The following OPCML variants were observed in gnomAD, a reference collection of about 807,000 sequenced individuals.
OPCML encodes opioid binding protein/cell adhesion molecule like, also known as opioid-binding protein/cell adhesion molecule.
OPCML carries 13 observed loss-of-function variants against 37.8 expected under a neutral mutation model. The observed-to-expected ratio is 0.34, with a 90% CI of 0.22 to 0.55. The LOEUF (loss-of-function observed/expected upper bound fraction) is 0.55, where lower values mean the gene tolerates loss of function less well. Ranked by LOEUF, OPCML falls within the 20% of genes least tolerant of loss-of-function variation. The probability of loss-of-function intolerance (pLI) is 0.91; values close to 1 mark genes in which losing one functional copy is unlikely to be tolerated. For missense variants in OPCML, 341 were observed against 435.6 expected (o/e 0.78, Z 1.93); for synonymous variants, 176 against 168.8 (o/e 1.04, Z -0.33).
At chr11:132,784,851 G>T (rs937985695) in intron 2 of OPCML, among the ~76,000 whole-genome samples, 1 of 152,078 alleles carries the variant, frequency 6.6e-6, no homozygotes, top group Admixed American at 6.5e-5. Context: ...AGCTCCCTGA[G>T]GTTCTCACCA....
intron 1 of OPCML, among the ~76,000 whole-genome samples, chr11:133,451,802 A>G (rs1946585427): frequency 1.3e-5 from 2 of 151,348 alleles, no homozygotes; most frequent in South Asian, 2.1e-4. Flanking sequence ...AGACCACACC[A>G]TTGCAGCCCA....
chr11:132,780,597 T>G lies in OPCML; in HGVS notation c.147-123278A>C, dbSNP rs190442302. 3.0e-4 allele frequency among the ~76,000 whole-genome samples: 45 copies of G among 152,268 alleles called. No individual in the cohort carries two copies. In the East Asian group the frequency reaches 7.3e-3, roughly 25 times the overall value. Reference sequence around the variant, plus strand: ...CCTGCAAATCCATGAGTCCGCAGGTTTGAATTGACTCAGAATAGGCTGGGA... The same window carrying G: ...CCTGCAAATCCATGAGTCCGCAGGTGTGAATTGACTCAGAATAGGCTGGGA... On this transcript the variant is annotated intron_variant, in intron 2 of 7. Transcript: ENST00000524381.
intron 2 of OPCML, among the ~76,000 whole-genome samples, chr11:132,844,608 T>C (rs372431502): frequency 1.3e-5 from 2 of 152,182 alleles, no homozygotes; most frequent in Non-Finnish European, 2.9e-5. Flanking sequence ...ATTTAGAGTA[T>C]AGACCAGGGC....
chr11:133,427,623 T>C (rs1039696246), intron 1 of OPCML, among the ~76,000 whole-genome samples: 2 of 152,050 alleles, frequency 1.3e-5, no homozygotes, highest in African/African-American at 4.8e-5. Flanking sequence ...TTAGAAAATA[T>C]TCTTTAAATC....
chr11:132,647,717 C>T (rs914149783), intron 3 of OPCML, among the ~76,000 whole-genome samples: 10 of 152,016 alleles, frequency 6.6e-5, no homozygotes, highest in African/African-American at 2.4e-4. Context: ...GTCTTGCGGT[C>T]TCAGGAGTGG....
intron 1 of OPCML, among the ~76,000 whole-genome samples, chr11:133,491,995 A>T (rs1182128800): frequency 6.6e-6 from 1 of 152,168 alleles, no homozygotes; most frequent in East Asian, 1.9e-4. Flanking sequence ...GCAGGAGAGG[A>T]GATGAGGAAA....
At chr11:133,011,596 C>T (rs1947214925) in intron 1 of OPCML, among the ~76,000 whole-genome samples, 1 of 127,774 alleles carries the variant, frequency 7.8e-6, no homozygotes, top group Non-Finnish European at 1.9e-5. Context: ...ACAGTGGTTT[C>T]TCTTTTTTTT....
intron 4 of OPCML, among the ~76,000 whole-genome samples, chr11:132,472,317 A>C (rs1305429566): frequency 1.3e-5 from 2 of 152,184 alleles, no homozygotes; most frequent in African/African-American, 4.8e-5. Flanking sequence ...AGCACTCCAC[A>C]AAAATCTGCT....
chr11:132,912,530 C>T (rs1404415875), intron 2 of OPCML, among the ~76,000 whole-genome samples: 1 of 152,104 alleles, frequency 6.6e-6, no homozygotes, highest in Non-Finnish European at 1.5e-5. Flanking sequence ...GTTAAATAAA[C>T]ATTTGGAAAC....
chr11:133,369,525 TG>T (rs1944626280), intron 1 of OPCML, among the ~76,000 whole-genome samples: 1 of 152,204 alleles, frequency 6.6e-6, no homozygotes, highest in Non-Finnish European at 1.5e-5. Context: ...CAGAGCCAGT[TG>T]GCATATCTCT....
intron 1 of OPCML, among the ~76,000 whole-genome samples, chr11:133,231,884 C>G (rs1182687059): frequency 6.6e-6 from 1 of 151,908 alleles, no homozygotes; most frequent in Non-Finnish European, 1.5e-5. Context: ...GAGAAGCAGG[C>G]AGGGAGTGGG....
chr11:133,420,552 C>T (rs147941082), intron 1 of OPCML: 1 of 983,334 alleles, frequency 1.0e-6, no homozygotes, highest in Admixed American at 6.2e-5. Context: ...CTGCAAACAT[C>T]ATTAACATGC....
intron 1 of OPCML, among the ~76,000 whole-genome samples, chr11:133,115,087 A>G (rs1949311855): frequency 6.6e-6 from 1 of 152,230 alleles, no homozygotes; most frequent in African/African-American, 2.4e-5. Context: ...AGGTCAAAGG[A>G]CATATGAAAA....
intron 4 of OPCML, among the ~76,000 whole-genome samples, chr11:132,521,142 CT>C (rs996740755): frequency 1.3e-5 from 2 of 152,072 alleles, no homozygotes; most frequent in East Asian, 1.9e-4. Flanking sequence ...TGATGATGAG[CT>C]TTTTTTCATG....
intron 3 of OPCML, among the ~76,000 whole-genome samples, chr11:132,617,164 A>G (rs1322128546): frequency 6.6e-6 from 1 of 152,250 alleles, no homozygotes; most frequent in Non-Finnish European, 1.5e-5. Context: ...ACTTCTTAAG[A>G]AATCAATAAA....
chr11:133,278,247 C>T (rs1025882655), intron 1 of OPCML, among the ~76,000 whole-genome samples: 5 of 152,132 alleles, frequency 3.3e-5, no homozygotes, highest in Non-Finnish European at 5.9e-5. Context: ...CTTCAGCTCC[C>T]TATGAAAACC....
chr11:133,457,582 T>A (rs1173360712), intron 1 of OPCML, among the ~76,000 whole-genome samples: 2 of 151,864 alleles, frequency 1.3e-5, no homozygotes, highest in Non-Finnish European at 2.9e-5. Context: ...TTTTTTAATG[T>A]TATATTTGTC....
chr11:132,982,513 GC>G (rs1361610164), intron 1 of OPCML, among the ~76,000 whole-genome samples: 5 of 111,938 alleles, frequency 4.5e-5, no homozygotes, highest in Non-Finnish European at 7.3e-5. Context: ...AAGGCTTAGA[GC>G]AAAAAAAAAA....
intron 1 of OPCML, among the ~76,000 whole-genome samples, chr11:133,314,902 A>G (rs1380805133): frequency 6.6e-6 from 1 of 152,250 alleles, no homozygotes; most frequent in Non-Finnish European, 1.5e-5. Context: ...CTTGGCAATC[A>G]GCGTAACAGA....
Sources: allele counts gnomAD v4.1 joint callset (sites outside exome capture counted in the v4.1 genomes callset), GRCh38; gene constraint gnomAD v4.1.1; transcripts MANE v1.5; gene names NCBI Gene and HGNC (gene_info 2026-07-23, HGNC 2026-07-21).